Variants in GLMN observed in about 807,000 individuals in gnomAD.
GLMN encodes the protein glomulin, FKBP associated protein.
Under a neutral mutation model 87.8 loss-of-function variants are expected in GLMN, and 75 were observed. The observed-to-expected ratio is 0.85, with a 90% CI of 0.71 to 1.04. GLMN has a LOEUF of 1.04. Ranked by LOEUF, GLMN falls within the 50% of genes least tolerant of loss-of-function variation. The pLI is 0.00. For synonymous variants in GLMN, 206 were observed against 221.6 expected, an observed-to-expected ratio of 0.93 and a Z score of 0.63; for missense variants, 588 against 658.8, an observed-to-expected ratio of 0.89 and a Z score of 1.18.
chr1:92,361,048 TAAAC>T, the GLMN span, among the ~76,000 whole-genome samples: 1 of 151,152 alleles, frequency 6.6e-6, no homozygotes, highest in Non-Finnish European at 1.5e-5. Context: ...TTTAGGAACA[TAAAC>T]ATGTAATTTA....
chr1:92,363,953 G>T, the GLMN span, among the ~76,000 whole-genome samples: 120 of 152,142 alleles, frequency 7.9e-4, no homozygotes, highest in African/African-American at 2.8e-3. Flanking sequence ...TCAACAGTAG[G>T]CTATTTATAG....
chr1:92,363,545 A>G, the GLMN span, among the ~76,000 whole-genome samples: 7 of 152,202 alleles, frequency 4.6e-5, no homozygotes, highest in Non-Finnish European at 1.0e-4. Flanking sequence ...TTCTAAGAGT[A>G]CAGAAGTTAC....
chr1:92,296,745 A>G (rs1042308386), intron 3 of GLMN, among the ~76,000 whole-genome samples: 1 of 152,186 alleles, frequency 6.6e-6, no homozygotes, highest in Non-Finnish European at 1.5e-5. Context: ...GTGGAGGATG[A>G]TTTCTCAAAC....
At chr1:92,358,888 A>G in the GLMN span, among the ~76,000 whole-genome samples, 7 of 152,072 alleles carry the variant, frequency 4.6e-5, no homozygotes, top group Non-Finnish European at 8.8e-5. Flanking sequence ...TGCCCAGCCT[A>G]TTCATCTTTA....
At chr1:92,361,316 T>C in the GLMN span, among the ~76,000 whole-genome samples, 5 of 152,190 alleles carry the variant, frequency 3.3e-5, no homozygotes, top group Middle Eastern at 0.017. Context: ...GTCAAATACA[T>C]TGTCTGGATT....
At chr1:92,288,135 A>C (rs1162297460) in intron 6 of GLMN, among the ~76,000 whole-genome samples, 3 of 152,088 alleles carry the variant, frequency 2.0e-5, no homozygotes, top group Non-Finnish European at 4.4e-5. Context: ...TGCTACAGCC[A>C]TATTGAACAG....
chr1:92,357,032 C>CT, the GLMN span, among the ~76,000 whole-genome samples: 1 of 151,278 alleles, frequency 6.6e-6, no homozygotes. Context: ...TGTCACTGCA[C>CT]TCCAGCCTGG....
chr1:92,368,441 TAG>T, the GLMN span, among the ~76,000 whole-genome samples: 12 of 152,268 alleles, frequency 7.9e-5, no homozygotes, highest in East Asian at 2.1e-3. Context: ...ATAAAAAACA[TAG>T]AGATTCATCA....
chr1:92,303,882 C>G (rs1029036998), upstream of GLMN: 73 of 740,198 alleles, frequency 9.9e-5, no homozygotes, highest in Middle Eastern at 7.0e-4. Context: ...TATTGCTATC[C>G]CTGTGTTTTC....
chr1:92,285,588 A>C (rs1445990523), intron 7 of GLMN, among the ~76,000 whole-genome samples: 1 of 152,202 alleles, frequency 6.6e-6, no homozygotes, highest in African/African-American at 2.4e-5. Flanking sequence ...CGTTGTGCAC[A>C]TGTACCCTAG....
chr1:92,297,216 C>T (rs545110172), intron 3 of GLMN, among the ~76,000 whole-genome samples, 188 bp downstream of exon 3: 1 of 150,198 alleles, frequency 6.7e-6, no homozygotes, highest in Non-Finnish European at 1.5e-5. Flanking sequence ...CCTCCCATAA[C>T]GCTGTGATTA....
intron 16 of GLMN, among the ~76,000 whole-genome samples, chr1:92,258,228 G>A (rs1654510874): frequency 6.8e-6 from 1 of 147,366 alleles, no homozygotes; most frequent in Non-Finnish European, 1.5e-5. Flanking sequence ...AGTTAGAATG[G>A]CGATCATTAA....
chr1:92,360,681 C>T, the GLMN span, among the ~76,000 whole-genome samples: 2 of 152,126 alleles, frequency 1.3e-5, no homozygotes, highest in African/African-American at 2.4e-5. Context: ...ATATCTGCAA[C>T]ATATTTCTCT....
the GLMN span, among the ~76,000 whole-genome samples, chr1:92,328,553 T>A: frequency 6.6e-6 from 1 of 152,216 alleles, no homozygotes; most frequent in Non-Finnish European, 1.5e-5. Flanking sequence ...TCATATCCTG[T>A]ATGATTTGTT....
chr1:92,336,538 T>C, the GLMN span: 1 of 697,234 alleles, frequency 1.4e-6, no homozygotes, highest in Admixed American at 2.6e-5. Context: ...ATGTCACAGA[T>C]CTAAATACAG....
At chr1:92,263,236 T>C (rs1478317178) in intron 15 of GLMN, among the ~76,000 whole-genome samples, 1 of 151,976 alleles carries the variant, frequency 6.6e-6, no homozygotes, top group African/African-American at 2.4e-5. Flanking sequence ...TCCATTCCAG[T>C]ATACTGAAAC....
intron 9 of GLMN, among the ~76,000 whole-genome samples, chr1:92,269,468 C>T (rs1217835823): frequency 6.6e-6 from 1 of 152,030 alleles, no homozygotes; most frequent in African/African-American, 2.4e-5. Flanking sequence ...AGAGAAGAAA[C>T]CTTAGAAACA....
the GLMN span, among the ~76,000 whole-genome samples, chr1:92,337,966 G>A: frequency 6.6e-6 from 1 of 152,062 alleles, no homozygotes; most frequent in South Asian, 2.1e-4. Flanking sequence ...CCCAAGATAT[G>A]TTCTTGAGAA....
intron 7 of GLMN, among the ~76,000 whole-genome samples, chr1:92,282,743 GAAGAA>G (rs1340762647): frequency 1.3e-5 from 2 of 152,052 alleles, no homozygotes; most frequent in Non-Finnish European, 2.9e-5. Flanking sequence ...GATTAATAAA[GAAGAA>G]AAGAGAGAAG....
Sources: gnomAD v4.1 joint callset for allele counts (sites outside exome capture counted in the v4.1 genomes callset) on GRCh38, gnomAD v4.1.1 for gene constraint, MANE v1.5 for transcripts, NCBI Gene and HGNC (gene_info 2026-07-23, HGNC 2026-07-21) for gene names.